SCTR: variants seen among roughly 807,000 people sequenced by gnomAD.
The protein encoded by SCTR is pancreatic secretin receptor.
A neutral mutation model predicts 60.8 loss-of-function variants in SCTR; 56 were observed. The ratio of observed to expected loss-of-function variants is 0.92; its 90% CI spans 0.74 to 1.15. The LOEUF (loss-of-function observed/expected upper bound fraction) is 1.15, where lower values mean the gene tolerates loss of function less well. Ranked by LOEUF, SCTR falls within the 50% of genes most tolerant of loss-of-function variation. The probability of loss-of-function intolerance (pLI) is 0.00; values close to 1 mark genes in which losing one functional copy is unlikely to be tolerated. For missense variants in SCTR, 562 were observed against 550.4 expected (o/e 1.02, Z -0.21); for synonymous variants, 202 against 217.0 (o/e 0.93, Z 0.61).
At chr2:119,498,703 C>A (rs866582610) in intron 1 of SCTR, among the ~76,000 whole-genome samples, 7 of 151,922 alleles carry the variant, frequency 4.6e-5, no homozygotes, top group Non-Finnish European at 1.0e-4. Context: ...TATCTAAGAG[C>A]AACTTAAAAA....
At chr2:119,449,108 C>T (rs573682663) in intron 9 of SCTR, among the ~76,000 whole-genome samples, 6 of 152,348 alleles carry the variant, frequency 3.9e-5, no homozygotes, top group African/African-American at 9.6e-5. Context: ...TGGGGTGGAC[C>T]TGAGATTCTG....
intron 4 of SCTR, among the ~76,000 whole-genome samples, chr2:119,469,902 G>A (rs1676931315): frequency 6.6e-6 from 1 of 152,204 alleles, no homozygotes; most frequent in Admixed American, 6.5e-5. Context: ...ACTGCTGTAT[G>A]TTCTGACTGT....
chr2:119,446,758 C>A lies in SCTR; in HGVS notation c.1140+1G>T, dbSNP rs777425099. The A allele has an allele frequency of 5.9e-6, 9 of 1,522,556 alleles. 1 individual carries two copies. The Admixed American group carries it at 1.8e-4, about 30-fold the overall frequency. 94.3% of individuals were successfully genotyped at this position (1,522,556 alleles called of 1,614,324 possible). A position where few individuals can be genotyped will look rare whatever the true frequency, so the allele number is the denominator to read the frequency against. On this transcript the variant is annotated splice_donor_variant, in intron 11 of 12. Transcript: ENST00000019103. LOFTEE classifies it high-confidence loss of function. Reference sequence around the variant, plus strand: ...TGGCAGCCCCAGTCCTGGAAACTTACCTGGAATGAGCCAAGGGCTAGTTCA... The same window carrying A: ...TGGCAGCCCCAGTCCTGGAAACTTAACTGGAATGAGCCAAGGGCTAGTTCA...
rs202001757 is a variant in SCTR at position 119,453,356 on chromosome 2, T to C, written c.791-9A>G. The C allele has an allele frequency of 5.9e-5, 95 of 1,610,366 alleles. No individual in the cohort carries two copies. The South Asian group carries it at 9.7e-4, about 16-fold the overall frequency. ...AAAAATGGCTGGAGAACCTGAGGATTAAAAACAAAGGGAGGGGCAGAAGAG... is the reference window on the plus strand; with the variant it reads ...AAAAATGGCTGGAGAACCTGAGGATCAAAAACAAAGGGAGGGGCAGAAGAG... On this transcript the variant is annotated splice_polypyrimidine_tract_variant and intron_variant, in intron 7 of 12. Transcript: ENST00000019103.
At chr2:119,505,549 C>T (rs1255059166) in intron 1 of SCTR, among the ~76,000 whole-genome samples, 2 of 152,110 alleles carry the variant, frequency 1.3e-5, no homozygotes, top group African/African-American at 2.4e-5. Context: ...AGTTCATGTC[C>T]TTTGTAGGGA....
chr2:119,462,966 G>C (rs1051833820), intron 6 of SCTR, among the ~76,000 whole-genome samples: 2 of 152,106 alleles, frequency 1.3e-5, no homozygotes, highest in Non-Finnish European at 2.9e-5. Context: ...AGGATTTAAG[G>C]CTCCTGACTC....
intron 1 of SCTR, among the ~76,000 whole-genome samples, chr2:119,510,754 A>T (rs183518199): frequency 1.1e-3 from 162 of 149,088 alleles, no homozygotes; most frequent in African/African-American, 3.1e-3. Context: ...AGTTTGTATA[A>T]CCACACTGAG....
At chr2:119,493,299 C>G (rs758653283) in intron 2 of SCTR, among the ~76,000 whole-genome samples, 15 of 152,164 alleles carry the variant, frequency 9.9e-5, no homozygotes, top group Non-Finnish European at 1.9e-4. Flanking sequence ...TTTTGTTTAT[C>G]CATTCGTCAG....
intron 3 of SCTR, among the ~76,000 whole-genome samples, chr2:119,477,814 C>T (rs527463500): frequency 5.3e-5 from 8 of 152,338 alleles, no homozygotes; most frequent in African/African-American, 1.7e-4. Flanking sequence ...TTGTCTGTTA[C>T]AGCAGCTAGC....
In SCTR at chr2:119,441,581, G is replaced by A. The variant is rs201710596; in HGVS notation, c.1159C>T (p.Leu387Phe). Residue 387 changes from leucine to phenylalanine, a missense_variant, in exon 12 of 13, where the codon CTC (leucine) becomes TTC (phenylalanine). Transcript: ENST00000019103. ...ACCTCCCCATTGAGGAAGCAGTAGA[G>A]GACGGCCACCACCAGTCCCTGCCAG... ...GSFQGLVVAVLYCFLNGEVQL... is the reference protein window; with the variant it reads ...GSFQGLVVAVFYCFLNGEVQL... 2.0e-5 allele frequency: 32 copies of A among 1,613,034 alleles called. No homozygotes were observed. Among genetic ancestry groups the A allele is most frequent in the Non-Finnish European group, 2.5e-5 (29 of 1,179,482 alleles).
chr2:119,496,311 A>G (rs1431901202), intron 1 of SCTR, among the ~76,000 whole-genome samples: 1 of 152,228 alleles, frequency 6.6e-6, no homozygotes, highest in Non-Finnish European at 1.5e-5. Context: ...TAAGTAATTT[A>G]AGGAATTGTA....
intron 1 of SCTR, among the ~76,000 whole-genome samples, chr2:119,521,766 A>T (rs1679292949): frequency 6.6e-6 from 1 of 152,180 alleles, no homozygotes; most frequent in Non-Finnish European, 1.5e-5. Flanking sequence ...GAACACACTT[A>T]GATTTCAAAA....
chr2:119,451,681 G>A (rs925074474), intron 9 of SCTR, among the ~76,000 whole-genome samples: 7 of 152,210 alleles, frequency 4.6e-5, no homozygotes, highest in African/African-American at 1.7e-4. Flanking sequence ...AGGCCCACAG[G>A]TCTGAACCAG....
At chr2:119,464,621 T>C (rs1435998116) in intron 5 of SCTR, among the ~76,000 whole-genome samples, 1 of 152,206 alleles carries the variant, frequency 6.6e-6, no homozygotes, top group Non-Finnish European at 1.5e-5. Flanking sequence ...TGGTGGTGCC[T>C]GCCTGTATTC....
At chr2:119,466,183 A>T (rs1300692609) in intron 4 of SCTR, among the ~76,000 whole-genome samples, 1 of 152,064 alleles carries the variant, frequency 6.6e-6, no homozygotes, top group Admixed American at 6.5e-5. Context: ...TTGCTTGAAT[A>T]CCTCTAGAGA....
intron 2 of SCTR, among the ~76,000 whole-genome samples, chr2:119,489,878 T>TGTTA (rs1379819669): frequency 6.6e-6 from 1 of 152,218 alleles, no homozygotes; most frequent in Non-Finnish European, 1.5e-5. Context: ...TTTAAACACA[T>TGTTA]GTTATGTTAA....
intron 1 of SCTR, among the ~76,000 whole-genome samples, chr2:119,517,728 G>A (rs1314555249): frequency 6.6e-6 from 1 of 152,174 alleles, no homozygotes; most frequent in African/African-American, 2.4e-5. Context: ...GAGGAAGAGG[G>A]TGAAGGTTGG....
chr2:119,481,080 C>T (rs771860636), intron 2 of SCTR, among the ~76,000 whole-genome samples: 3 of 152,240 alleles, frequency 2.0e-5, no homozygotes, highest in Non-Finnish European at 4.4e-5. Flanking sequence ...ACCCCTTTCC[C>T]GCTGGCCTCC....
chr2:119,504,312 C>T (rs1300755283), intron 1 of SCTR, among the ~76,000 whole-genome samples: 2 of 152,106 alleles, frequency 1.3e-5, no homozygotes, highest in Non-Finnish European at 2.9e-5. Flanking sequence ...AGCATAGGAG[C>T]TCAGCTGCAG....
Sources: gnomAD v4.1 joint callset for allele counts (sites outside exome capture counted in the v4.1 genomes callset) on GRCh38, gnomAD v4.1.1 for gene constraint, MANE v1.5 for transcripts, NCBI Gene and HGNC (gene_info 2026-07-23, HGNC 2026-07-21) for gene names.